PDE2A: variants seen among roughly 807,000 people sequenced by gnomAD.
The protein encoded by PDE2A is cGMP-dependent 3',5'-cyclic phosphodiesterase.
In PDE2A, 53 loss-of-function variants were observed where a neutral mutation model predicts 133.6. The ratio of observed to expected loss-of-function variants is 0.40; its 90% confidence interval spans 0.32 to 0.50. The LOEUF (loss-of-function observed/expected upper bound fraction) is 0.50, where lower values mean the gene tolerates loss of function less well. Among genes scored for constraint, PDE2A ranks in the 20% least tolerant of loss-of-function variants. PDE2A has a pLI of 0.73. For missense variants in PDE2A, 796 were observed against 1,232.4 expected (o/e 0.65, Z 5.30); for synonymous variants, 491 against 490.2 (o/e 1.00, Z -0.02).
Position 72,605,231 on chromosome 11 carries a change from G to A in PDE2A, c.235-5C>T. ...TAGGTAGGTGTAGACAGTTTCCTAGGACAGAAGGCACTTATGAGACCCTGT... is the reference window on the plus strand; with the variant it reads ...TAGGTAGGTGTAGACAGTTTCCTAGAACAGAAGGCACTTATGAGACCCTGT... On this transcript the variant is annotated splice_polypyrimidine_tract_variant and splice_region_variant and intron_variant, in intron 3 of 30. Transcript: ENST00000334456. 6.3e-7 allele frequency: 1 copy of A among 1,594,408 alleles called. No homozygotes were observed. The highest frequency in any genetic ancestry group is 1.1e-5 in the South Asian group (1 of 87,884).
intron 2 of PDE2A, among the ~76,000 whole-genome samples, chr11:72,621,551 A>C (rs1292301379): frequency 6.6e-6 from 1 of 152,174 alleles, no homozygotes; most frequent in African/African-American, 2.4e-5. Context: ...ACAGCGTCCC[A>C]CTGTCCCATG....
At chr11:72,665,081 C>T (rs1336431395) in intron 1 of PDE2A, among the ~76,000 whole-genome samples, 1 of 152,188 alleles carries the variant, frequency 6.6e-6, no homozygotes, top group African/African-American at 2.4e-5. Flanking sequence ...GCTTGGGTTA[C>T]AGGCGCGAGC....
At position 72,590,668 on chromosome 11, in the gene PDE2A, C is replaced by T. The variant is rs1856204681; in HGVS notation, c.550-88G>A. ...GATTCCTGCCTTTGCTCCCGCCGTT[C>T]CCTCTGCCTGCCGGGCCCAGGGACC... On this transcript the variant is annotated intron_variant, in intron 7 of 30. Coordinates refer to ENST00000334456, the MANE Select transcript of PDE2A (RefSeq NM_002599.5). The surrounding 1 kb of genome is among the most constrained non-coding windows in gnomAD (Gnocchi z 4.8). The T allele has an allele frequency of 4.1e-6, 5 of 1,224,742 alleles. No individual in the cohort carries two copies. Among genetic ancestry groups the T allele is most frequent in the Non-Finnish European group, 5.3e-6 (5 of 949,624 alleles). 75.9% of individuals were successfully genotyped at this position (1,224,742 alleles called of 1,614,324 possible). A position where few individuals can be genotyped will look rare whatever the true frequency, so the allele number is the denominator to read the frequency against.
At chr11:72,606,305 T>G (rs1487254106) in intron 3 of PDE2A, among the ~76,000 whole-genome samples, 2 of 152,140 alleles carry the variant, frequency 1.3e-5, no homozygotes, top group Non-Finnish European at 2.9e-5. Flanking sequence ...GCTGAGGGTA[T>G]CCTGGAGGGC....
chr11:72,613,810 C>T (rs927426597), intron 2 of PDE2A, among the ~76,000 whole-genome samples: 1 of 152,216 alleles, frequency 6.6e-6, no homozygotes, highest in Non-Finnish European at 1.5e-5. Context: ...AGGCAAGTGT[C>T]ATCTACGCCT....
At chr11:72,594,641 G>T (rs1228210772) in intron 6 of PDE2A, among the ~76,000 whole-genome samples, 1 of 152,088 alleles carries the variant, frequency 6.6e-6, no homozygotes, top group African/African-American at 2.4e-5. Flanking sequence ...TCAACAGCAT[G>T]CACCCCTACT....
At chr11:72,661,794 C>T (rs562445690) in intron 1 of PDE2A, among the ~76,000 whole-genome samples, 250 of 152,290 alleles carry the variant, frequency 1.6e-3, no homozygotes, top group Middle Eastern at 3.4e-3. Context: ...CCCTGCGATG[C>T]GCCACACATG....
intron 2 of PDE2A, among the ~76,000 whole-genome samples, chr11:72,619,379 T>C (rs968381331): frequency 2.0e-5 from 3 of 152,174 alleles, no homozygotes; most frequent in South Asian, 2.1e-4. Context: ...TAATGGTCCA[T>C]AGTGGCGAGC....
In PDE2A at chr11:72,645,752, G is replaced by A. The variant is rs115488550; in HGVS notation, c.72-3426C>T. On this transcript the variant is annotated intron_variant, in intron 1 of 30. Transcript: ENST00000334456. Reference sequence around the variant, plus strand: ...GGGCCAGGGCTGGCCCCTACTGGCCGAGTGTATACATCTGGGGCTGGGAGG... The same window carrying A: ...GGGCCAGGGCTGGCCCCTACTGGCCAAGTGTATACATCTGGGGCTGGGAGG... Among the ~76,000 whole-genome samples the A allele has an allele frequency of 8.0e-3, 1,225 of 152,344 alleles. 14 individuals are homozygous for A. Among genetic ancestry groups the A allele is most frequent in the African/African-American group, 0.028 (1,167 of 41,564 alleles).
Position 72,674,158 on chromosome 11 carries a change from G to A in PDE2A, c.50C>T (p.Pro17Leu), listed in dbSNP as rs1008268536. 9.3e-6 allele frequency: 15 copies of A among 1,612,916 alleles called. No homozygotes were observed. Among genetic ancestry groups the A allele is most frequent in the African/African-American group, 1.3e-5 (1 of 74,920 alleles). The change falls in exon 1 of 31, where the codon CCG (proline) becomes CTG (leucine). Residue 17 changes from proline to leucine, a missense_variant. By Grantham distance (98) the Pro-to-Leu change is moderately conservative. This residue lies in a region of PDE2A where 417 missense variants were observed against 475.3 expected (regional missense o/e 0.88). Transcript: ENST00000334456. ...HSILCRSQQYPAARPAEPRGQ... is the reference protein window; with the variant it reads ...HSILCRSQQYLAARPAEPRGQ... Reference sequence around the variant, plus strand: ...TCACGGCTCAGCCGGTCGCGCTGCCGGGTACTGCTGGCTCCTGCAGAGGAT... The same window carrying A: ...TCACGGCTCAGCCGGTCGCGCTGCCAGGTACTGCTGGCTCCTGCAGAGGAT...
At chr11:72,593,817 G>A (rs75023555) in intron 6 of PDE2A, among the ~76,000 whole-genome samples, 5 of 152,222 alleles carry the variant, frequency 3.3e-5, no homozygotes, top group Admixed American at 1.3e-4. Context: ...TGATGGCGTC[G>A]CCACTGGACC....
chr11:72,578,865 G>A lies in PDE2A; in HGVS notation c.2469+32C>T, dbSNP rs1420457864. 1.4e-6 allele frequency: 2 copies of A among 1,394,260 alleles called. No homozygotes were observed. Among genetic ancestry groups the A allele is most frequent in the Non-Finnish European group, 2.0e-6 (2 of 980,904 alleles). The allele number at this position is 1,394,260 out of a possible 1,614,324, so 86.4% of individuals were successfully genotyped here. A position where few individuals can be genotyped will look rare whatever the true frequency, so the allele number is the denominator to read the frequency against. On this transcript the variant is annotated intron_variant, in intron 28 of 30. Transcript: ENST00000334456. The surrounding 1 kb of genome is among the most constrained non-coding windows in gnomAD (Gnocchi z 4.2). ...CACCCAAAGCTGGGCAGGGTGGGCA[G>A]CCTGTGCCTTCCCAGGGAGGACTAC...
intron 1 of PDE2A, among the ~76,000 whole-genome samples, chr11:72,673,150 T>C (rs1052372787): frequency 2.0e-5 from 3 of 152,128 alleles, no homozygotes; most frequent in African/African-American, 7.2e-5. Context: ...ATGGAACAGA[T>C]AAAAAATGCA....
chr11:72,615,355 G>A (rs932784054), intron 2 of PDE2A, among the ~76,000 whole-genome samples: 2 of 152,222 alleles, frequency 1.3e-5, no homozygotes, highest in African/African-American at 4.8e-5. Flanking sequence ...GGTGGATGAA[G>A]GAATGGGAAG....
At chr11:72,633,677 C>T (rs962073439) in intron 2 of PDE2A, among the ~76,000 whole-genome samples, 4 of 152,128 alleles carry the variant, frequency 2.6e-5, no homozygotes, top group Non-Finnish European at 4.4e-5. Context: ...GAGGCCTGAG[C>T]TCTAGTCTGT....
At chr11:72,585,319 G>A in intron 16 of PDE2A, 52 bp downstream of exon 16, 3 of 1,469,968 alleles carry the variant, frequency 2.0e-6, no homozygotes, top group Middle Eastern at 2.0e-4. Context: ...GAGATGATGG[G>A]GACTGAAGGC....
At chr11:72,631,654 C>T (rs967071907) in intron 2 of PDE2A, among the ~76,000 whole-genome samples, 4 of 152,276 alleles carry the variant, frequency 2.6e-5, no homozygotes, top group Non-Finnish European at 4.4e-5. Context: ...CCCAGCCTGG[C>T]GCCCAGTCAT....
chr11:72,612,481 G>C (rs1857255349), intron 2 of PDE2A, among the ~76,000 whole-genome samples: 1 of 152,082 alleles, frequency 6.6e-6, no homozygotes, highest in African/African-American at 2.4e-5. Context: ...TTCCAATCCT[G>C]TACCAGACTG....
chr11:72,586,921 A>G (rs1856002084), intron 13 of PDE2A, among the ~76,000 whole-genome samples: 1 of 151,976 alleles, frequency 6.6e-6, no homozygotes, highest in Admixed American at 6.5e-5. Context: ...TCGGATCTAG[A>G]TCCCATCCCC....
Sources: gnomAD v4.1 joint callset for allele counts (sites outside exome capture counted in the v4.1 genomes callset) on GRCh38, gnomAD v4.1.1 for gene constraint, gnomAD v4.1.1 regional missense constraint, Gnocchi (gnomAD v3.1) non-coding constraint, MANE v1.5 for transcripts, NCBI Gene and HGNC (gene_info 2026-07-23, HGNC 2026-07-21) for gene names.